EHBP1: variants seen among roughly 807,000 people sequenced by gnomAD.
The protein encoded by EHBP1 is EH domain-binding protein 1.
EHBP1 carries 55 observed loss-of-function variants against 144.0 expected under a neutral mutation model. The ratio of observed to expected loss-of-function variants is 0.38; its 90% CI spans 0.31 to 0.48. The LOEUF (loss-of-function observed/expected upper bound fraction) is 0.48, where lower values mean the gene tolerates loss of function less well. Among genes scored for constraint, EHBP1 ranks in the 20% least tolerant of loss-of-function variants. EHBP1 has a pLI of 0.98. For missense variants in EHBP1, 1,200 were observed against 1,364.2 expected (o/e 0.88, Z 1.90); for synonymous variants, 469 against 472.7 (o/e 0.99, Z 0.10).
At chr2:62,808,521 G>A (rs2044690344) in intron 5 of EHBP1, among the ~76,000 whole-genome samples, 1 of 152,032 alleles carries the variant, frequency 6.6e-6, no homozygotes, top group Non-Finnish European at 1.5e-5. Flanking sequence ...TGGTCTTACA[G>A]GCTGTCTGCT....
intron 11 of EHBP1, among the ~76,000 whole-genome samples, chr2:62,943,364 G>A (rs1027490196): frequency 4.8e-4 from 45 of 94,170 alleles, no homozygotes; most frequent in African/African-American, 1.9e-3. Context: ...CAACAAGAGC[G>A]AAACTCCGTC....
In EHBP1 at chr2:62,764,333, A is replaced by G; in HGVS notation, c.230A>G (p.Asn77Ser). The change falls in exon 4 of 23, where the codon AAC becomes AGC. Residue 77 changes from asparagine to serine, a missense_variant. Physicochemically the swap from Asn to Ser is conservative, Grantham distance 46 (BLOSUM62 1). Coordinates refer to ENST00000431489, the MANE Select transcript of EHBP1 (RefSeq NM_001142616.3). Reference protein sequence around the residue: ...RGVVVWPVPENIEITVTLFKD... With the variant: ...RGVVVWPVPESIEITVTLFKD... ...GTTGTTGTGTGGCCTGTTCCTGAAA[A>G]CATTGAAATCACTGTAACACTTTTT... is the stretch of plus-strand genomic sequence containing the variant. 6.3e-7 allele frequency: 1 copy of G among 1,585,424 alleles called. No homozygotes were observed. The highest frequency in any genetic ancestry group is 8.6e-7 in the Non-Finnish European group (1 of 1,168,664).
intron 1 of EHBP1, among the ~76,000 whole-genome samples, chr2:62,696,104 G>A (rs536088518): frequency 3.3e-5 from 5 of 151,984 alleles, no homozygotes; most frequent in Non-Finnish European, 7.4e-5. Flanking sequence ...AGCTGTTTGT[G>A]TAATCTCTTT....
intron 4 of EHBP1, among the ~76,000 whole-genome samples, chr2:62,767,710 C>T (rs1240096488): frequency 1.3e-5 from 2 of 151,226 alleles, no homozygotes; most frequent in African/African-American, 4.9e-5. Flanking sequence ...GTGGTGTGTG[C>T]CTGTAGTCCC....
At chr2:62,754,790 G>T (rs1270237952) in intron 3 of EHBP1, among the ~76,000 whole-genome samples, 4 of 152,236 alleles carry the variant, frequency 2.6e-5, no homozygotes, top group Non-Finnish European at 4.4e-5. Flanking sequence ...TCCGAGCCAG[G>T]AGCGGGATAT....
rs142152647 is a variant in EHBP1 at position 62,684,015 on chromosome 2, A to C, written c.-296+9932A>C. On this transcript the variant is annotated intron_variant, in intron 1 of 22. Coordinates refer to the EHBP1 transcript ENST00000405015. ...GGCACACTTGGCAAAAGAAGATCCC[A>C]TGTTCTCAGAGTGGCCTGATCAAGT... is the stretch of plus-strand genomic sequence containing the variant. Among the ~76,000 whole-genome samples the C allele has an allele frequency of 8.3e-3, 1,262 of 152,308 alleles. 7 individuals carry two copies. Among genetic ancestry groups the C allele is most frequent in the Non-Finnish European group, 0.013 (880 of 68,030 alleles).
chr2:62,784,513 GC>G (rs2042673722), intron 5 of EHBP1, among the ~76,000 whole-genome samples: 1 of 152,194 alleles, frequency 6.6e-6, no homozygotes, highest in East Asian at 1.9e-4. Flanking sequence ...TGCTAAAGAG[GC>G]AGGTGGCAGG....
intron 5 of EHBP1, among the ~76,000 whole-genome samples, chr2:62,778,310 G>A (rs1005990762): frequency 6.6e-6 from 1 of 152,076 alleles, no homozygotes; most frequent in Admixed American, 6.6e-5. Context: ...AGCCCGAGGT[G>A]GAAGTATTGC....
chr2:62,827,091 T>G (rs1185676242), intron 6 of EHBP1, among the ~76,000 whole-genome samples: 1 of 152,234 alleles, frequency 6.6e-6, no homozygotes, highest in Non-Finnish European at 1.5e-5. Flanking sequence ...TGAATGTATT[T>G]GACCTAGTGG....
chr2:62,806,723 A>AT (rs893431148), intron 5 of EHBP1, among the ~76,000 whole-genome samples: 60 of 148,012 alleles, frequency 4.1e-4, no homozygotes, highest in South Asian at 8.6e-4. Context: ...TTAATTGTTA[A>AT]TTTTTTTTTT....
intron 1 of EHBP1, among the ~76,000 whole-genome samples, chr2:62,697,925 A>G (rs985601235): frequency 1.3e-5 from 2 of 152,240 alleles, no homozygotes; most frequent in African/African-American, 4.8e-5. Flanking sequence ...AATGTTGAAG[A>G]CCAGGTCCCA....
chr2:62,874,817 A>G (rs2050752477), intron 10 of EHBP1, among the ~76,000 whole-genome samples: 2 of 152,010 alleles, frequency 1.3e-5, no homozygotes, highest in Non-Finnish European at 2.9e-5. Context: ...AAGAAAGGAT[A>G]CTCTATAACT....
chr2:62,677,709 C>G (rs181218280), intron 1 of EHBP1, among the ~76,000 whole-genome samples: 4 of 152,074 alleles, frequency 2.6e-5, no homozygotes, highest in Admixed American at 6.6e-5. Flanking sequence ...TAATTTTTAC[C>G]TCCCACAAAT....
At chr2:63,009,489 A>G (rs1471079707) in intron 19 of EHBP1, among the ~76,000 whole-genome samples, 2 of 151,590 alleles carry the variant, frequency 1.3e-5, no homozygotes, top group African/African-American at 4.8e-5. Context: ...TTAAGGTGTA[A>G]ATAACATTCT....
At chr2:62,917,894 G>A (rs189083613) in intron 10 of EHBP1, among the ~76,000 whole-genome samples, 2 of 151,020 alleles carry the variant, frequency 1.3e-5, no homozygotes, top group South Asian at 4.2e-4. Flanking sequence ...GAACTATTGT[G>A]TTCCTTCTTT....
intron 19 of EHBP1, among the ~76,000 whole-genome samples, chr2:63,024,705 A>T (rs1052317166): frequency 2.6e-5 from 4 of 152,138 alleles, no homozygotes; most frequent in South Asian, 2.1e-4. Flanking sequence ...TATACTGAAC[A>T]TTGCTATTCA....
chr2:63,007,318 A>G (rs779501813), intron 19 of EHBP1, among the ~76,000 whole-genome samples: 1 of 151,846 alleles, frequency 6.6e-6, no homozygotes, highest in Non-Finnish European at 1.5e-5. Context: ...TTTTAGTTGT[A>G]ACTATTTAAG....
At chr2:62,905,346 G>A (rs1247730371) in intron 10 of EHBP1, among the ~76,000 whole-genome samples, 1 of 152,174 alleles carries the variant, frequency 6.6e-6, no homozygotes, top group Non-Finnish European at 1.5e-5. Context: ...GCACATTAGA[G>A]GAACAAGTGG....
At chr2:62,901,821 C>T (rs1299571623) in intron 10 of EHBP1, among the ~76,000 whole-genome samples, 1 of 151,892 alleles carries the variant, frequency 6.6e-6, no homozygotes, top group African/African-American at 2.4e-5. Flanking sequence ...TGGAAATCAG[C>T]AGGGCGTGGC....
Sources: gnomAD v4.1 joint callset for allele counts (sites outside exome capture counted in the v4.1 genomes callset) on GRCh38, gnomAD v4.1.1 for gene constraint, MANE v1.5 for transcripts, NCBI Gene and HGNC (gene_info 2026-07-23, HGNC 2026-07-21) for gene names.